Variants in LIN28B observed in about 807,000 individuals in gnomAD.
The protein encoded by LIN28B is lin-28 RNA binding posttranscriptional regulator B.
In LIN28B, 5 loss-of-function variants were observed where a neutral mutation model predicts 21.9. That is an observed-to-expected ratio of 0.23 (90% CI 0.12 to 0.48). The LOEUF (loss-of-function observed/expected upper bound fraction) is 0.48. Among genes scored for constraint, LIN28B ranks in the 20% least tolerant of loss-of-function variants. The pLI is 0.98. For synonymous variants in LIN28B, 109 were observed against 111.3 expected (o/e 0.98, Z 0.13); for missense variants, 245 against 310.5 (o/e 0.79, Z 1.58).
At chr6:105,009,769 C>T (rs1434685092) in intron 2 of LIN28B, among the ~76,000 whole-genome samples, 1 of 152,068 alleles carries the variant, frequency 6.6e-6, no homozygotes, top group Non-Finnish European at 1.5e-5. Flanking sequence ...TCAGTTGTTC[C>T]CTTTAGTTTC....
At position 105,029,143 on chromosome 6, in the gene LIN28B, T is replaced by G. The variant is rs544195723; in HGVS notation, c.383+2661T>G. Among the ~76,000 whole-genome samples, 6 of 152,294 alleles carry G rather than the reference T, an allele frequency of 3.9e-5. 1 individual carries two copies. The South Asian group carries it at 8.3e-4, about 21-fold the overall frequency. On this transcript the variant is annotated intron_variant, in intron 3 of 3. Coordinates refer to ENST00000345080, the MANE Select transcript of LIN28B (RefSeq NM_001004317.4). ...GGTGGGGGTGAAAGCCTTCGTGGGT[T>G]GTGTTCAATACAGAGAATGAAAACA...
At chr6:105,072,470 T>C (rs1206693752) in intron 3 of LIN28B, among the ~76,000 whole-genome samples, 1 of 152,194 alleles carries the variant, frequency 6.6e-6, no homozygotes, top group Non-Finnish European at 1.5e-5. Flanking sequence ...ATAGAATATT[T>C]TGTTTTTAGC....
At chr6:105,014,382 C>G (rs1770984205) in intron 2 of LIN28B, among the ~76,000 whole-genome samples, 1 of 152,190 alleles carries the variant, frequency 6.6e-6, no homozygotes. Context: ...TGCAGTGGCG[C>G]AATCTTGGCT....
At chr6:105,042,738 G>A (rs1349450725) in intron 3 of LIN28B, among the ~76,000 whole-genome samples, 4 of 151,992 alleles carry the variant, frequency 2.6e-5, no homozygotes, top group Non-Finnish European at 5.9e-5. Context: ...ATTATCTTCA[G>A]ATGTCAGTGG....
intron 2 of LIN28B, among the ~76,000 whole-genome samples, chr6:105,017,306 A>G (rs1224260976): frequency 6.6e-6 from 1 of 152,122 alleles, no homozygotes; most frequent in African/African-American, 2.4e-5. Context: ...TATATGAGAT[A>G]GCAGGTGAAA....
chr6:105,033,136 G>A (rs1029759292), intron 3 of LIN28B, among the ~76,000 whole-genome samples: 2 of 152,060 alleles, frequency 1.3e-5, no homozygotes, highest in Non-Finnish European at 2.9e-5. Context: ...CCTAGGTAGA[G>A]GTTCATTTCT....
chr6:104,953,665 G>A (rs1778248802), upstream of LIN28B, among the ~76,000 whole-genome samples: 1 of 152,188 alleles, frequency 6.6e-6, no homozygotes, highest in Non-Finnish European at 1.5e-5. Flanking sequence ...AGCTGCAGAG[G>A]CAGGAGGTGG....
intron 2 of LIN28B, among the ~76,000 whole-genome samples, chr6:104,970,532 G>GT (rs1278268065): frequency 6.6e-6 from 1 of 151,928 alleles, no homozygotes; most frequent in Non-Finnish European, 1.5e-5. Context: ...CCATGCTGTT[G>GT]TTTTTTAGGA....
At chr6:105,054,966 G>A (rs1771993299) in intron 3 of LIN28B, among the ~76,000 whole-genome samples, 2 of 151,690 alleles carry the variant, frequency 1.3e-5, no homozygotes, top group South Asian at 4.2e-4. Context: ...CAATTGAAAG[G>A]GTTTTTTTTA....
chr6:105,008,292 C>T (rs1271701358), intron 2 of LIN28B, among the ~76,000 whole-genome samples: 1 of 152,164 alleles, frequency 6.6e-6, no homozygotes, highest in Non-Finnish European at 1.5e-5. Flanking sequence ...CATACAAACT[C>T]TTTGCTAAAT....
chr6:105,027,044 A>C (rs1421581293), intron 3 of LIN28B, among the ~76,000 whole-genome samples: 1 of 152,156 alleles, frequency 6.6e-6, no homozygotes, highest in Non-Finnish European at 1.5e-5. Flanking sequence ...GAATGTACCA[A>C]AATATAATTT....
At chr6:104,964,608 T>C (rs1485153766) in intron 2 of LIN28B, among the ~76,000 whole-genome samples, 1 of 152,200 alleles carries the variant, frequency 6.6e-6, no homozygotes, top group Non-Finnish European at 1.5e-5. Context: ...CTGATTTATA[T>C]TCCTCCCTAA....
intron 3 of LIN28B, among the ~76,000 whole-genome samples, chr6:105,059,739 G>A (rs879750101): frequency 3.9e-5 from 6 of 152,074 alleles, no homozygotes; most frequent in Admixed American, 6.5e-5. Context: ...GGCCCAAAAA[G>A]TATGGCAAAT....
upstream of LIN28B, among the ~76,000 whole-genome samples, chr6:104,956,766 G>C (rs1005324511): frequency 3.3e-5 from 5 of 152,124 alleles, no homozygotes; most frequent in Non-Finnish European, 1.5e-5. Flanking sequence ...ATTTTAGTCA[G>C]GCTTGTGTGT....
chr6:104,950,451 C>T, intron 2 of LIN28B: 2 of 1,223,164 alleles, frequency 1.6e-6, no homozygotes, highest in African/African-American at 3.1e-5. Flanking sequence ...CTTGAGCTCT[C>T]TGATTTTAGG....
intron 2 of LIN28B, among the ~76,000 whole-genome samples, chr6:104,995,274 G>C (rs936876520): frequency 2.0e-5 from 3 of 152,174 alleles, no homozygotes; most frequent in African/African-American, 7.2e-5. Context: ...GATTTAAGGA[G>C]AGTATACTTA....
chr6:105,074,549 C>T (rs1282540318), intron 3 of LIN28B, among the ~76,000 whole-genome samples: 1 of 152,052 alleles, frequency 6.6e-6, no homozygotes, highest in Non-Finnish European at 1.5e-5. Flanking sequence ...AAAATGTTGA[C>T]TTTGATTTGA....
chr6:105,012,290 A>T (rs1770940009), intron 2 of LIN28B, among the ~76,000 whole-genome samples: 1 of 151,810 alleles, frequency 6.6e-6, no homozygotes, highest in African/African-American at 2.4e-5. Flanking sequence ...CAAAATGGTG[A>T]AACCCTGTCT....
intron 2 of LIN28B, among the ~76,000 whole-genome samples, chr6:104,950,013 G>A (rs758938504): frequency 2.6e-5 from 4 of 151,912 alleles, no homozygotes; most frequent in African/African-American, 7.3e-5. Context: ...TAGTACCATC[G>A]TTAGATTCTC....
Sources: allele counts gnomAD v4.1 joint callset (sites outside exome capture counted in the v4.1 genomes callset), GRCh38; gene constraint gnomAD v4.1.1; transcripts MANE v1.5; gene names NCBI Gene and HGNC (gene_info 2026-07-23, HGNC 2026-07-21).